The following TENM4 variants were observed in gnomAD, a reference collection of about 807,000 sequenced individuals.
The protein encoded by TENM4 is teneurin transmembrane protein 4, also known as teneurin-4.
In TENM4, 82 loss-of-function variants were observed where a neutral mutation model predicts 243.3. The observed-to-expected ratio is 0.34, with a 90% confidence interval of 0.28 to 0.40. The LOEUF (loss-of-function observed/expected upper bound fraction) is 0.40. Ranked by LOEUF, TENM4 falls within the 10% of genes least tolerant of loss-of-function variation. The pLI, the probability that TENM4 is intolerant of heterozygous loss-of-function variation, is 1.00. For missense variants in TENM4, 3,138 were observed against 3,673.3 expected (o/e 0.85, Z 3.77); for synonymous variants, 1,412 against 1,456.3 (o/e 0.97, Z 0.69).
At chr11:79,356,736 A>G (rs1857503285) in intron 1 of TENM4, among the ~76,000 whole-genome samples, 1 of 150,788 alleles carries the variant, frequency 6.6e-6, no homozygotes, top group Admixed American at 6.7e-5. Context: ...GTCCTAAATG[A>G]TGGAAGTGTT....
At chr11:78,930,892 T>G (rs369408810) in intron 6 of TENM4, among the ~76,000 whole-genome samples, 1 of 152,194 alleles carries the variant, frequency 6.6e-6, no homozygotes, top group Non-Finnish European at 1.5e-5. Flanking sequence ...AAGCTATCGT[T>G]AAAAGGTCAT....
chr11:78,822,172 T>A (rs1857748197), intron 12 of TENM4, among the ~76,000 whole-genome samples: 1 of 152,200 alleles, frequency 6.6e-6, no homozygotes, highest in African/African-American at 2.4e-5. Flanking sequence ...GTATGACATC[T>A]TCCAAGCCTG....
At chr11:79,110,377 C>T (rs775711968) in intron 4 of TENM4, among the ~76,000 whole-genome samples, 1 of 152,186 alleles carries the variant, frequency 6.6e-6, no homozygotes, top group Non-Finnish European at 1.5e-5. Context: ...GAGCTGTGCT[C>T]CCCTGTAATG....
chr11:78,656,921 C>CT lies in TENM4; in HGVS notation c.*1136dup. The CT allele has an allele frequency of 7.5e-6, 3 of 397,756 alleles. No homozygotes were observed. Among genetic ancestry groups the CT allele is most frequent in the Non-Finnish European group, 1.3e-5 (3 of 226,012 alleles). The allele number at this position is 397,756 out of a possible 1,614,324, so 24.6% of individuals were successfully genotyped here. On this transcript the variant is annotated 3_prime_UTR_variant, in exon 34 of 34. Coordinates refer to ENST00000278550, the MANE Select transcript of TENM4 (RefSeq NM_001098816.3). ...CTTATGCCTTCCTCTCTTTGGCTGGCTTTTTTTGTTAAGCATTTTTCCAGA... is the reference window on the plus strand; with the variant it reads ...CTTATGCCTTCCTCTCTTTGGCTGGCTTTTTTTTGTTAAGCATTTTTCCAGA...
chr11:78,816,789 A>C lies in TENM4; in HGVS notation c.1682-2394T>G, dbSNP rs528202863. ...AAATGAATGTTACTACATTAGATAC[A>C]AGCCTTGCCTATAGGAAATTTGCAG... On this transcript the variant is annotated intron_variant, in intron 12 of 33. Transcript: ENST00000278550. Among the ~76,000 whole-genome samples, 5 of 152,372 alleles carry C rather than the reference A, an allele frequency of 3.3e-5. No homozygotes were observed. The South Asian group carries it at 1.0e-3, about 32-fold the overall frequency.
chr11:78,918,499 G>A (rs1280416687), intron 6 of TENM4, among the ~76,000 whole-genome samples: 2 of 150,786 alleles, frequency 1.3e-5, no homozygotes, highest in African/African-American at 4.9e-5. Flanking sequence ...GCCCAGTTCA[G>A]GTTTGTGAAA....
intron 1 of TENM4, among the ~76,000 whole-genome samples, chr11:79,383,786 A>T (rs891007029): frequency 2.6e-5 from 4 of 152,176 alleles, no homozygotes; most frequent in Admixed American, 2.6e-4. Flanking sequence ...GATCAACAAA[A>T]TATTAGAATA....
intron 25 of TENM4, among the ~76,000 whole-genome samples, chr11:78,714,384 G>A (rs946635263): frequency 4.2e-5 from 6 of 141,786 alleles, no homozygotes; most frequent in Admixed American, 6.8e-5. Context: ...TGGCTACCTC[G>A]AAAGGGGCCA....
intron 2 of TENM4, among the ~76,000 whole-genome samples, chr11:79,260,367 A>C (rs905060629): frequency 6.6e-6 from 1 of 152,216 alleles, no homozygotes; most frequent in Non-Finnish European, 1.5e-5. Flanking sequence ...TATAGTAAGA[A>C]CATCCCTTTA....
At chr11:78,785,208 T>G (rs1856911013) in intron 16 of TENM4, among the ~76,000 whole-genome samples, 1 of 152,106 alleles carries the variant, frequency 6.6e-6, no homozygotes, top group African/African-American at 2.4e-5. Flanking sequence ...CCAGGGCCAC[T>G]TCTCACTAAG....
Position 79,438,877 on chromosome 11 carries a change from C to T in TENM4, c.-321+1632G>A, listed in dbSNP as rs1346865325. On this transcript the variant is annotated intron_variant, in intron 1 of 33. Transcript: ENST00000278550. The surrounding 1 kb of genome is among the most constrained non-coding windows in gnomAD (Gnocchi z 4.1). ...TTCTTTGGGGACAGCAGCATCAGCACCCGACGCCCATCGCACAAGTGGGCG... is the reference window on the plus strand; with the variant it reads ...TTCTTTGGGGACAGCAGCATCAGCATCCGACGCCCATCGCACAAGTGGGCG... The T allele has an allele frequency of 2.6e-5, 4 of 152,202 alleles. No homozygotes were observed. The highest frequency in any genetic ancestry group is 1.3e-4 in the Admixed American group (2 of 15,282). The allele number at this position is 152,202 out of a possible 1,614,324, so 9.4% of individuals were successfully genotyped here.
intron 12 of TENM4, among the ~76,000 whole-genome samples, chr11:78,850,566 G>T (rs1469579522): frequency 6.6e-6 from 1 of 152,126 alleles, no homozygotes; most frequent in Non-Finnish European, 1.5e-5. Context: ...GGACTCTTGG[G>T]GAAAGCGGGA....
At chr11:78,892,631 G>C (rs1855695734) in intron 7 of TENM4, among the ~76,000 whole-genome samples, 1 of 152,150 alleles carries the variant, frequency 6.6e-6, no homozygotes, top group Non-Finnish European at 1.5e-5. Context: ...AATATTATAG[G>C]AGTACTAATG....
intron 29 of TENM4, among the ~76,000 whole-genome samples, chr11:78,677,781 T>A (rs2135702312): frequency 6.6e-6 from 1 of 152,078 alleles, no homozygotes; most frequent in Non-Finnish European, 1.5e-5. Context: ...ATTCTTTTTT[T>A]TTTTATTATA....
chr11:79,154,937 T>G (rs566541082), intron 3 of TENM4, among the ~76,000 whole-genome samples: 1 of 152,212 alleles, frequency 6.6e-6, no homozygotes, highest in Admixed American at 6.5e-5. Flanking sequence ...GCAGGGCACA[T>G]AGTAGGTACT....
chr11:78,653,346 T>TA lies in TENM4; in HGVS notation c.*4711dup, dbSNP rs957541181. The stretch of plus-strand genomic sequence containing the variant: ...ACGGGATCACTTCTGGTTTTGTTTT[T>TA]ATGCTTTTTTTTTTCTAGAAGGTAT... On this transcript the variant is annotated 3_prime_UTR_variant, in exon 34 of 34. Transcript: ENST00000278550. 3 of 152,036 alleles carry TA rather than the reference T, an allele frequency of 2.0e-5. No individual in the cohort carries two copies. Among genetic ancestry groups the TA allele is most frequent in the African/African-American group, 7.3e-5 (3 of 41,348 alleles). 9.4% of individuals were successfully genotyped at this position (152,036 alleles called of 1,614,324 possible). A position where few individuals can be genotyped will look rare whatever the true frequency, so the allele number is the denominator to read the frequency against.
At chr11:79,095,344 C>A (rs1861052275) in intron 4 of TENM4, among the ~76,000 whole-genome samples, 2 of 152,324 alleles carry the variant, frequency 1.3e-5, no homozygotes, top group Non-Finnish European at 2.9e-5. Context: ...CTGCTTCTTG[C>A]CCTCTGCCTC....
At chr11:78,901,058 G>A (rs764340101) in intron 7 of TENM4, among the ~76,000 whole-genome samples, 1 of 152,168 alleles carries the variant, frequency 6.6e-6, no homozygotes, top group East Asian at 1.9e-4. Context: ...GTGAGAAGGT[G>A]AGCGACTCTG....
chr11:78,922,012 G>T (rs921639156), intron 6 of TENM4, among the ~76,000 whole-genome samples: 1 of 152,242 alleles, frequency 6.6e-6, no homozygotes, highest in Non-Finnish European at 1.5e-5. Context: ...GATGCAGTGT[G>T]GGAACTGCTG....
Sources: gnomAD v4.1 joint callset for allele counts (sites outside exome capture counted in the v4.1 genomes callset) on GRCh38, gnomAD v4.1.1 for gene constraint, Gnocchi (gnomAD v3.1) non-coding constraint, MANE v1.5 for transcripts, NCBI Gene and HGNC (gene_info 2026-07-23, HGNC 2026-07-21) for gene names.